CSMD3: variants seen among roughly 807,000 people sequenced by gnomAD.
CSMD3 encodes CUB and Sushi multiple domains 3, also known as CUB and sushi domain-containing protein 3.
CSMD3 carries 177 observed loss-of-function variants against 435.2 expected under a neutral mutation model. That is an observed-to-expected ratio of 0.41 (90% CI 0.36 to 0.46). CSMD3 has a LOEUF of 0.46. Among genes scored for constraint, CSMD3 ranks in the 20% least tolerant of loss-of-function variants. CSMD3 has a pLI of 0.34. For missense variants in CSMD3, 4,265 were observed against 4,504.6 expected (o/e 0.95, Z 1.52); for synonymous variants, 1,656 against 1,520.5 (o/e 1.09, Z -2.07).
intron 9 of CSMD3, among the ~76,000 whole-genome samples, chr8:112,936,337 T>A (rs1402046450): frequency 6.6e-6 from 1 of 152,084 alleles, no homozygotes; most frequent in Non-Finnish European, 1.5e-5. Flanking sequence ...TATTAAATAA[T>A]TAAAATCATA....
intron 22 of CSMD3, among the ~76,000 whole-genome samples, chr8:112,588,862 A>G (rs1360334039): frequency 6.6e-6 from 1 of 152,094 alleles, no homozygotes; most frequent in African/African-American, 2.4e-5. Context: ...TCCATCACTT[A>G]GTGGAAATCA....
At chr8:113,317,615 G>A (rs2093919921) in intron 1 of CSMD3, among the ~76,000 whole-genome samples, 1 of 152,084 alleles carries the variant, frequency 6.6e-6, no homozygotes, top group Non-Finnish European at 1.5e-5. Flanking sequence ...CTAGAATAAA[G>A]TACATTTTTT....
chr8:112,922,874 G>C (rs1421282349), intron 9 of CSMD3, among the ~76,000 whole-genome samples: 2 of 152,066 alleles, frequency 1.3e-5, no homozygotes, highest in Non-Finnish European at 2.9e-5. Context: ...GTTTTATTTA[G>C]ACTACTCTTA....
At chr8:113,205,349 AGCTTATCCCCATGAT>A (rs1320072600) in intron 3 of CSMD3, among the ~76,000 whole-genome samples, 1 of 152,066 alleles carries the variant, frequency 6.6e-6, no homozygotes, top group East Asian at 1.9e-4. Context: ...ACACAAGAAA[AGCTTATCCCCATGAT>A]GCAGTTACCT....
At chr8:112,945,704 T>A (rs2083588820) in intron 9 of CSMD3, among the ~76,000 whole-genome samples, 1 of 151,544 alleles carries the variant, frequency 6.6e-6, no homozygotes, top group South Asian at 2.1e-4. Context: ...CAGTCCATAT[T>A]AGGCTGAATG....
chr8:112,690,551 T>C (rs1175854851), intron 13 of CSMD3, among the ~76,000 whole-genome samples: 1 of 150,432 alleles, frequency 6.6e-6, no homozygotes, highest in Non-Finnish European at 1.5e-5. Context: ...TCTTCCACAC[T>C]CTGGTACTAG....
chr8:112,360,705 A>C (rs2131112970), intron 38 of CSMD3, among the ~76,000 whole-genome samples: 1 of 152,086 alleles, frequency 6.6e-6, no homozygotes, highest in Non-Finnish European at 1.5e-5. Flanking sequence ...GTACTAGCAG[A>C]AAATTTAGAA....
intron 25 of CSMD3, among the ~76,000 whole-genome samples, chr8:112,554,449 T>C (rs1048632745): frequency 6.6e-6 from 1 of 152,056 alleles, no homozygotes; most frequent in Non-Finnish European, 1.5e-5. Context: ...GGACAATCTG[T>C]AAACATAATT....
At chr8:112,560,024 G>C (rs554480091) in intron 24 of CSMD3, among the ~76,000 whole-genome samples, 1 of 151,786 alleles carries the variant, frequency 6.6e-6, no homozygotes, top group Non-Finnish European at 1.5e-5. Flanking sequence ...ATAGATTCTT[G>C]ACCAAATTAA....
intron 3 of CSMD3, among the ~76,000 whole-genome samples, chr8:113,261,975 T>A (rs1237018538): frequency 6.6e-6 from 1 of 152,080 alleles, no homozygotes; most frequent in Non-Finnish European, 1.5e-5. Context: ...CCACTTCACA[T>A]TTTGAAGAAT....
intron 11 of CSMD3, among the ~76,000 whole-genome samples, chr8:112,855,417 A>C (rs2080619850): frequency 6.6e-6 from 1 of 152,180 alleles, no homozygotes; most frequent in South Asian, 2.1e-4. Context: ...CAATTTATGG[A>C]AAATGTGCAT....
chr8:112,329,462 T>C (rs535853276), intron 45 of CSMD3, among the ~76,000 whole-genome samples: 1 of 152,116 alleles, frequency 6.6e-6, no homozygotes, highest in Non-Finnish European at 1.5e-5. Flanking sequence ...TATCCAATCA[T>C]AAAACTGCTC....
intron 13 of CSMD3, among the ~76,000 whole-genome samples, chr8:112,742,719 C>T (rs1441152138): frequency 2.6e-5 from 4 of 151,784 alleles, no homozygotes; most frequent in Non-Finnish European, 4.4e-5. Flanking sequence ...CATAGCTGTA[C>T]CTGATCATAA....
At chr8:112,943,825 C>T (rs1264141910) in intron 9 of CSMD3, among the ~76,000 whole-genome samples, 1 of 151,658 alleles carries the variant, frequency 6.6e-6, no homozygotes, top group East Asian at 1.9e-4. Context: ...CTGATCCACT[C>T]TCCTTTTAAA....
chr8:113,272,541 T>C (rs1000957599), intron 3 of CSMD3, among the ~76,000 whole-genome samples: 1 of 151,642 alleles, frequency 6.6e-6, no homozygotes, highest in Non-Finnish European at 1.5e-5. Flanking sequence ...TTTTGCAATT[T>C]CATTTTTCTC....
At chr8:113,164,788 G>A (rs867236110) in intron 4 of CSMD3, among the ~76,000 whole-genome samples, 23 of 152,014 alleles carry the variant, frequency 1.5e-4, no homozygotes, top group African/African-American at 4.6e-4. Flanking sequence ...AAGAGAACAA[G>A]ACCAAAAGTG....
chr8:113,006,731 C>G (rs79840366), intron 6 of CSMD3, among the ~76,000 whole-genome samples: 7,129 of 151,866 alleles, frequency 0.047, 230 homozygotes, highest in Non-Finnish European at 0.069. Flanking sequence ...CATTTGGGGT[C>G]TATCCAACCA....
intron 10 of CSMD3, among the ~76,000 whole-genome samples, chr8:112,917,843 C>T (rs1278689153): frequency 2.0e-5 from 3 of 151,970 alleles, no homozygotes; most frequent in Non-Finnish European, 4.4e-5. Flanking sequence ...ATATAACTGA[C>T]CAAACTGATT....
At chr8:112,567,911 A>C (rs1467207468) in intron 24 of CSMD3, among the ~76,000 whole-genome samples, 2 of 152,144 alleles carry the variant, frequency 1.3e-5, no homozygotes, top group African/African-American at 4.8e-5. Context: ...GGAAATTAAC[A>C]AGTAACTTGT....
Sources: gnomAD v4.1 joint callset for allele counts (sites outside exome capture counted in the v4.1 genomes callset) on GRCh38, gnomAD v4.1.1 for gene constraint, MANE v1.5 for transcripts, NCBI Gene and HGNC (gene_info 2026-07-23, HGNC 2026-07-21) for gene names.